Variants in CCDC148 observed in about 807,000 individuals in gnomAD.
The protein encoded by CCDC148 is coiled-coil domain containing 148.
Under a neutral mutation model 85.7 loss-of-function variants are expected in CCDC148, and 89 were observed. That is an observed-to-expected ratio of 1.04 (90% CI 0.87 to 1.24). The LOEUF (loss-of-function observed/expected upper bound fraction) is 1.24. CCDC148 is among the 50% of genes most tolerant of loss of function. The pLI is 0.00. For missense variants in CCDC148, 692 were observed against 671.7 expected, an observed-to-expected ratio of 1.03 and a Z score of -0.33; for synonymous variants, 230 against 213.9, an observed-to-expected ratio of 1.08 and a Z score of -0.66.
chr2:158,252,499 G>A (rs375074863), intron 9 of CCDC148, among the ~76,000 whole-genome samples: 5 of 151,550 alleles, frequency 3.3e-5, no homozygotes, highest in South Asian at 2.1e-4. Flanking sequence ...ATCCCATCAC[G>A]TATTACCAGT....
At chr2:158,216,202 C>T (rs537546386) in intron 11 of CCDC148, among the ~76,000 whole-genome samples, 33 of 152,080 alleles carry the variant, frequency 2.2e-4, no homozygotes, top group Non-Finnish European at 4.1e-4. Context: ...AAAGCAATGG[C>T]TTTTAGAGAA....
At chr2:158,212,633 A>G (rs1305759319) in intron 11 of CCDC148, among the ~76,000 whole-genome samples, 1 of 152,180 alleles carries the variant, frequency 6.6e-6, no homozygotes, top group African/African-American at 2.4e-5. Flanking sequence ...CTGTTTTACA[A>G]TACAGGAAAA....
At chr2:158,358,058 G>C (rs978370610) in intron 2 of CCDC148, among the ~76,000 whole-genome samples, 1 of 152,128 alleles carries the variant, frequency 6.6e-6, no homozygotes, top group Non-Finnish European at 1.5e-5. Context: ...CTAGAAAAGA[G>C]AGCACCTGAG....
chr2:158,244,489 T>C (rs1280596489), intron 10 of CCDC148, among the ~76,000 whole-genome samples: 4 of 152,170 alleles, frequency 2.6e-5, no homozygotes, highest in Non-Finnish European at 5.9e-5. Context: ...TTTATGGCTA[T>C]GGGCCTGTAG....
intron 7 of CCDC148, among the ~76,000 whole-genome samples, chr2:158,319,040 A>C (rs13393597): frequency 0.05 from 7,638 of 152,262 alleles, 354 homozygotes; most frequent in African/African-American, 0.12. Context: ...TGCTGGAATT[A>C]CAGGCATAAG....
chr2:158,356,520 A>G (rs1266900742), intron 2 of CCDC148, among the ~76,000 whole-genome samples: 1 of 152,162 alleles, frequency 6.6e-6, no homozygotes, highest in Non-Finnish European at 1.5e-5. Flanking sequence ...GCAAATCAAA[A>G]CTACAATGAG....
chr2:158,312,807 G>C (rs748147664), intron 8 of CCDC148, among the ~76,000 whole-genome samples: 1 of 152,110 alleles, frequency 6.6e-6, no homozygotes, highest in Admixed American at 6.5e-5. Context: ...TGAATAAAGG[G>C]GGAGAGGTGA....
At chr2:158,179,034 A>T (rs1684739437) in intron 11 of CCDC148, 38 bp from the exon 12 acceptor site, 1 of 1,473,634 alleles carries the variant, frequency 6.8e-7, no homozygotes, top group Non-Finnish European at 9.5e-7. Flanking sequence ...TGGAAGCATC[A>T]TAATAATATT....
At chr2:158,348,122 A>G (rs1048230829) in intron 2 of CCDC148, among the ~76,000 whole-genome samples, 3 of 152,114 alleles carry the variant, frequency 2.0e-5, no homozygotes, top group African/African-American at 7.2e-5. Flanking sequence ...TCATTTATAG[A>G]AATCCATCTG....
chr2:158,328,710 C>T (rs953515812), intron 7 of CCDC148, among the ~76,000 whole-genome samples: 1 of 152,216 alleles, frequency 6.6e-6, no homozygotes, highest in Admixed American at 6.5e-5. Flanking sequence ...GCCATTCTAA[C>T]TGGTGTGAGA....
At chr2:158,430,491 C>T (rs985355009) in intron 1 of CCDC148, among the ~76,000 whole-genome samples, 6 of 152,032 alleles carry the variant, frequency 3.9e-5, no homozygotes, top group East Asian at 1.9e-4. Context: ...AATAAAAATC[C>T]GTAAATAGTG....
chr2:158,218,091 T>G (rs2105299252), intron 11 of CCDC148, among the ~76,000 whole-genome samples: 1 of 152,318 alleles, frequency 6.6e-6, no homozygotes, highest in Admixed American at 6.5e-5. Flanking sequence ...TTCTGAGAAT[T>G]ATATGTCTTA....
At chr2:158,395,448 G>A (rs577324507) in intron 1 of CCDC148, among the ~76,000 whole-genome samples, 4 of 152,252 alleles carry the variant, frequency 2.6e-5, no homozygotes, top group African/African-American at 9.6e-5. Context: ...AGGAAAGACT[G>A]CTTGAGCAGG....
At chr2:158,326,882 A>G (rs1692804121) in intron 7 of CCDC148, among the ~76,000 whole-genome samples, 1 of 152,120 alleles carries the variant, frequency 6.6e-6, no homozygotes, top group Non-Finnish European at 1.5e-5. Flanking sequence ...ATAAAAATAT[A>G]TATGTTTGCT....
At chr2:158,235,561 T>C (rs1204984118) in intron 10 of CCDC148, among the ~76,000 whole-genome samples, 1 of 152,222 alleles carries the variant, frequency 6.6e-6, no homozygotes, top group Non-Finnish European at 1.5e-5. Context: ...TCTGCTGGTA[T>C]GTTCTCTATT....
chr2:158,435,206 A>C (rs954229389), intron 1 of CCDC148, among the ~76,000 whole-genome samples: 1 of 152,194 alleles, frequency 6.6e-6, no homozygotes, highest in Admixed American at 6.5e-5. Flanking sequence ...TGAAGGAAAA[A>C]ATGTTAAAGA....
intron 1 of CCDC148, among the ~76,000 whole-genome samples, chr2:158,442,530 A>G (rs1254300305): frequency 6.6e-6 from 1 of 152,230 alleles, no homozygotes; most frequent in African/African-American, 2.4e-5. Context: ...TGAAAGGAAC[A>G]TCACCCACAA....
rs1168092615 is a variant in CCDC148 at position 158,171,614 on chromosome 2, A to C, written c.*499T>G. 6.6e-6 allele frequency: 1 copy of C among 152,002 alleles called. No individual in the cohort carries two copies. The highest frequency in any genetic ancestry group is 1.5e-5 in the Non-Finnish European group (1 of 67,950). 9.4% of individuals were successfully genotyped at this position (152,002 alleles called of 1,614,324 possible). On this transcript the variant is annotated 3_prime_UTR_variant, in exon 14 of 14. Coordinates refer to ENST00000283233, the MANE Select transcript of CCDC148 (RefSeq NM_138803.4). ...ATTGTTTGGATGATTGGTTTGCAGT[A>C]AACATGGTGTACCAAATTGGTTTCT...
At chr2:158,398,719 A>G (rs1001656615) in intron 1 of CCDC148, among the ~76,000 whole-genome samples, 1 of 152,208 alleles carries the variant, frequency 6.6e-6, no homozygotes, top group Middle Eastern at 3.2e-3. Context: ...AAAGAACAAG[A>G]GAAGCAAGAG....
Sources: allele counts gnomAD v4.1 joint callset (sites outside exome capture counted in the v4.1 genomes callset), GRCh38; gene constraint gnomAD v4.1.1; transcripts MANE v1.5; gene names NCBI Gene and HGNC (gene_info 2026-07-23, HGNC 2026-07-21).